The following RGS6 variants were observed in gnomAD, a reference collection of about 807,000 sequenced individuals.
The protein encoded by RGS6 is regulator of G protein signaling 6.
RGS6 carries 30 observed loss-of-function variants against 78.5 expected under a neutral mutation model. The ratio of observed to expected loss-of-function variants is 0.38; its 90% CI spans 0.29 to 0.52. RGS6 has a LOEUF of 0.52. Among genes scored for constraint, RGS6 ranks in the 20% least tolerant of loss-of-function variants. RGS6 has a pLI of 0.85. For synonymous variants in RGS6, 206 were observed against 206.0 expected, an observed-to-expected ratio of 1.00 and a Z score of 0.00; for missense variants, 495 against 609.7, an observed-to-expected ratio of 0.81 and a Z score of 1.98.
chr14:72,023,564 C>T (rs189411490), intron 2 of RGS6, among the ~76,000 whole-genome samples: 13 of 152,320 alleles, frequency 8.5e-5, no homozygotes, highest in Admixed American at 8.5e-4. Context: ...TTCTCTTAAT[C>T]CACTGTCCCT....
chr14:72,331,405 G>A (rs560087376), intron 2 of RGS6, among the ~76,000 whole-genome samples: 3 of 152,326 alleles, frequency 2.0e-5, no homozygotes, highest in East Asian at 3.9e-4. Flanking sequence ...AATGTCCCCT[G>A]CTTTACAGTA....
At chr14:72,465,602 T>TTGGGTGGA (rs1369712127) in intron 6 of RGS6, among the ~76,000 whole-genome samples, 156 bp from the exon 7 acceptor site, 33 of 99,464 alleles carry the variant, frequency 3.3e-4, no homozygotes, top group African/African-American at 1.3e-3. Context: ...GGATGGATGG[T>TTGGGTGGA]TGGGTGGATG....
chr14:72,054,993 G>A (rs1442045994), intron 2 of RGS6, among the ~76,000 whole-genome samples: 1 of 152,160 alleles, frequency 6.6e-6, no homozygotes, highest in African/African-American at 2.4e-5. Flanking sequence ...TTCTATAAAT[G>A]TTAGTATAGG....
chr14:72,176,112 A>G lies in RGS6; in HGVS notation c.85-175983A>G, dbSNP rs116638675. 4.6e-3 allele frequency among the ~76,000 whole-genome samples: 693 copies of G among 152,222 alleles called. 7 individuals are homozygous for G. Among genetic ancestry groups the G allele is most frequent in the African/African-American group, 0.016 (656 of 41,524 alleles). ...TCATAGGTGGCCCTGAGTCCCTGTGATTTTTCCAGTCCACCCCTTAGTTGA... is the reference window on the plus strand; with the variant it reads ...TCATAGGTGGCCCTGAGTCCCTGTGGTTTTTCCAGTCCACCCCTTAGTTGA... On this transcript the variant is annotated intron_variant, in intron 2 of 17. Transcript: ENST00000553525.
chr14:72,060,971 G>C (rs1567124786), intron 2 of RGS6, among the ~76,000 whole-genome samples: 1 of 152,124 alleles, frequency 6.6e-6, no homozygotes, highest in Non-Finnish European at 1.5e-5. Flanking sequence ...TGTTATCATG[G>C]AGAAGTTATT....
intron 2 of RGS6, among the ~76,000 whole-genome samples, chr14:71,973,944 T>C (rs561125116): frequency 6.6e-6 from 1 of 152,302 alleles, no homozygotes; most frequent in South Asian, 2.1e-4. Context: ...GTATTTTTAG[T>C]GTGGGGAATA....
At chr14:72,364,721 A>T (rs1437146075) in intron 3 of RGS6, among the ~76,000 whole-genome samples, 1 of 152,324 alleles carries the variant, frequency 6.6e-6, no homozygotes, top group Non-Finnish European at 1.5e-5. Context: ...CCATACCTAC[A>T]TGTGACTTTG....
chr14:72,231,976 G>A (rs1244923302), intron 2 of RGS6, among the ~76,000 whole-genome samples: 1 of 152,136 alleles, frequency 6.6e-6, no homozygotes, highest in Non-Finnish European at 1.5e-5. Flanking sequence ...AAGTGACAAG[G>A]TTCTTCTCTA....
At chr14:72,104,823 C>T (rs1398372052) in intron 2 of RGS6, among the ~76,000 whole-genome samples, 1 of 152,134 alleles carries the variant, frequency 6.6e-6, no homozygotes, top group East Asian at 1.9e-4. Context: ...CACTTTGGTA[C>T]AGAGGGGCAG....
At chr14:72,061,065 C>T (rs960478140) in intron 2 of RGS6, among the ~76,000 whole-genome samples, 20 of 152,204 alleles carry the variant, frequency 1.3e-4, no homozygotes, top group African/African-American at 4.8e-4. Flanking sequence ...TTCCCTCCTC[C>T]TCTGAAGGTA....
At chr14:72,270,267 T>TCACGCC (rs5809571) in intron 2 of RGS6, among the ~76,000 whole-genome samples, 9 of 151,750 alleles carry the variant, frequency 5.9e-5, no homozygotes, top group African/African-American at 1.9e-4. Flanking sequence ...AAAACGAGGT[T>TCACGCC]CATGCCCACA....
At chr14:71,979,242 G>GT (rs1195665962) in intron 2 of RGS6, among the ~76,000 whole-genome samples, 6 of 149,332 alleles carry the variant, frequency 4.0e-5, no homozygotes, top group South Asian at 4.3e-4. Flanking sequence ...TTTTTGAAGG[G>GT]TTTTTTGTGT....
intron 2 of RGS6, among the ~76,000 whole-genome samples, chr14:72,011,613 A>G (rs901407806): frequency 2.6e-5 from 4 of 152,314 alleles, no homozygotes; most frequent in Admixed American, 1.3e-4. Flanking sequence ...ATAAAACCCA[A>G]TAGAGTATAA....
chr14:72,397,284 C>A (rs1024315823), intron 3 of RGS6, among the ~76,000 whole-genome samples: 1 of 152,046 alleles, frequency 6.6e-6, no homozygotes, highest in African/African-American at 2.4e-5. Context: ...AAGTTGGATT[C>A]CTAGGTATTT....
chr14:71,877,551 A>G, the RGS6 span, among the ~76,000 whole-genome samples: 12 of 152,060 alleles, frequency 7.9e-5, no homozygotes, highest in Non-Finnish European at 1.8e-4. Flanking sequence ...TCTTCTCTAC[A>G]CTGTTTATTC....
At chr14:71,936,235 A>G (rs1374361132) in intron 1 of RGS6, among the ~76,000 whole-genome samples, 3 of 151,892 alleles carry the variant, frequency 2.0e-5, no homozygotes, top group African/African-American at 4.8e-5. Flanking sequence ...TCAAAACTAA[A>G]GAAATTGGAG....
chr14:72,161,360 T>G (rs537865945), intron 2 of RGS6, among the ~76,000 whole-genome samples: 1 of 152,270 alleles, frequency 6.6e-6, no homozygotes, highest in African/African-American at 2.4e-5. Flanking sequence ...GTTCTGCACA[T>G]GTATCCCAGA....
At chr14:71,969,682 G>A (rs2093696761) in intron 2 of RGS6, among the ~76,000 whole-genome samples, 1 of 152,102 alleles carries the variant, frequency 6.6e-6, no homozygotes, top group Non-Finnish European at 1.5e-5. Context: ...AATATATTCA[G>A]TGTCCATGTA....
At chr14:72,406,079 C>G (rs919452237) in intron 3 of RGS6, among the ~76,000 whole-genome samples, 2 of 152,080 alleles carry the variant, frequency 1.3e-5, no homozygotes, top group African/African-American at 2.4e-5. Flanking sequence ...GGAGGAAAGG[C>G]TCTTAGCTGC....
Sources: allele counts gnomAD v4.1 joint callset (sites outside exome capture counted in the v4.1 genomes callset), GRCh38; gene constraint gnomAD v4.1.1; transcripts MANE v1.5; gene names NCBI Gene and HGNC (gene_info 2026-07-23, HGNC 2026-07-21).